The following AQP2 variants were observed in gnomAD, a reference collection of about 807,000 sequenced individuals.
AQP2 encodes aquaporin 2, also known as aquaporin-2.
In AQP2, 20 loss-of-function variants were observed where a neutral mutation model predicts 21.6. The ratio of observed to expected loss-of-function variants is 0.92; its 90% confidence interval spans 0.65 to 1.34. The LOEUF (loss-of-function observed/expected upper bound fraction) is 1.34. AQP2 is among the 40% of genes most tolerant of loss of function. The pLI is 0.00. For synonymous variants in AQP2, 168 were observed against 166.9 expected, an observed-to-expected ratio of 1.01 and a Z score of -0.05; for missense variants, 325 against 363.4, an observed-to-expected ratio of 0.89 and a Z score of 0.86.
In AQP2 at chr12:49,958,393, T is replaced by C. The variant is rs1341214739; in HGVS notation, c.*2785T>C. The C allele has an allele frequency of 6.6e-6, 1 of 152,244 alleles. No individual in the cohort carries two copies. Among genetic ancestry groups the C allele is most frequent in the African/African-American group, 2.4e-5 (1 of 41,464 alleles). 9.4% of individuals were successfully genotyped at this position (152,244 alleles called of 1,614,324 possible). The stretch of plus-strand genomic sequence containing the variant: ...TCCACTGAGACAAATCCTAGGCTCC[T>C]GGGAGGCCCTGGCAGAAGCCAGAAC... On this transcript the variant is annotated 3_prime_UTR_variant, in exon 4 of 4. Coordinates refer to ENST00000199280, the MANE Select transcript of AQP2 (RefSeq NM_000486.6).
rs1947324005 is a variant in AQP2, at chr12:49,950,936, C to T, written c.106C>T (p.Gln36Ter). 3 of 1,614,130 alleles carry T rather than the reference C, an allele frequency of 1.9e-6. No homozygotes were observed. Among genetic ancestry groups the T allele is most frequent in the Admixed American group, 1.7e-5 (1 of 60,014 alleles). ...CCTCGGCTCTGCCCTCAACTGGCCA[C>T]AGGCCCTGCCCTCTGTGCTACAGAT... ...FGLGSALNWP[Q>*]ALPSVLQIAM... The change falls in exon 1 of 4, where the codon CAG becomes TAG. Residue 36 changes from glutamine (Q) to a stop codon, truncating the protein, a stop_gained. Transcript: ENST00000199280. LOFTEE classifies it high-confidence loss of function.
chr12:49,953,295 A>G (rs908951822), intron 1 of AQP2, among the ~76,000 whole-genome samples: 3 of 152,202 alleles, frequency 2.0e-5, no homozygotes, highest in African/African-American at 7.2e-5. Context: ...GGGAGCTGAG[A>G]GCTGTCACTG....
intron 1 of AQP2, 111 bp from the exon 2 acceptor site, chr12:49,954,044 G>C: frequency 6.8e-7 from 1 of 1,467,162 alleles, no homozygotes. Context: ...CAGGTGTTCC[G>C]GCTCCCAGCC....
rs201812544 is a variant in AQP2 at position 49,954,683 on chromosome 12, C to T, written c.579C>T (p.Val193=). Residue 193 remains valine (V), a synonymous_variant, in exon 3 of 4, where the codon GTC becomes GTT. Coordinates refer to ENST00000199280, the MANE Select transcript of AQP2 (RefSeq NM_000486.6). ...MNPARSLAPA[V]VTGKFDDHWV... is the part of the protein sequence containing the mutation. ...CTGCCCGCTCCCTGGCTCCAGCTGTCGTCACTGGCAAATTTGATGACCACT... is the reference window on the plus strand; with the variant it reads ...CTGCCCGCTCCCTGGCTCCAGCTGTTGTCACTGGCAAATTTGATGACCACT... 2.2e-4 allele frequency: 348 copies of T among 1,614,206 alleles called. No individual in the cohort carries two copies. Among genetic ancestry groups the T allele is most frequent in the Admixed American group, 3.0e-4 (18 of 60,020 alleles).
intron 2 of AQP2, 113 bp downstream of exon 2, chr12:49,954,432 C>T: frequency 7.6e-7 from 1 of 1,312,330 alleles, no homozygotes; most frequent in African/African-American, 1.5e-5. Context: ...TCAAGAGGAA[C>T]AGACACCCCA....
chr12:49,951,197 A>G lies in AQP2; in HGVS notation c.360+7A>G. 2 of 1,602,048 alleles carry G rather than the reference A, an allele frequency of 1.2e-6. No homozygotes were observed. The highest frequency in any genetic ancestry group is 1.7e-6 in the Non-Finnish European group (2 of 1,174,196). ...GGACCTGGCTGTCAATGCTGTGAGTAGCCACAACTTTGCCATCCACAAGGG... is the reference window on the plus strand; with the variant it reads ...GGACCTGGCTGTCAATGCTGTGAGTGGCCACAACTTTGCCATCCACAAGGG... On this transcript the variant is annotated splice_region_variant and intron_variant, in intron 1 of 3. Coordinates refer to ENST00000199280, the MANE Select transcript of AQP2 (RefSeq NM_000486.6).
At chr12:49,953,221 C>T (rs1323494573) in intron 1 of AQP2, among the ~76,000 whole-genome samples, 1 of 152,092 alleles carries the variant, frequency 6.6e-6, no homozygotes, top group East Asian at 1.9e-4. Flanking sequence ...CTAGAGAGAC[C>T]CAAGGGTTCT....
At chr12:49,955,360 C>T (rs403201) in intron 3 of AQP2, 39 bp from the exon 4 acceptor site, 3 of 1,599,094 alleles carry the variant, frequency 1.9e-6, no homozygotes, top group Non-Finnish European at 1.7e-6. Flanking sequence ...GTGCCGGTGC[C>T]GGCGCGGGTG....
Position 49,956,572 on chromosome 12 carries a change from G to C in AQP2, c.*964G>C, listed in dbSNP as rs1378348405. 6.6e-6 allele frequency: 1 copy of C among 152,142 alleles called. No homozygotes were observed. Among genetic ancestry groups the C allele is most frequent in the Non-Finnish European group, 1.5e-5 (1 of 68,036 alleles). 9.4% of individuals were successfully genotyped at this position (152,142 alleles called of 1,614,324 possible). A position where few individuals can be genotyped will look rare whatever the true frequency, so the allele number is the denominator to read the frequency against. On this transcript the variant is annotated 3_prime_UTR_variant, in exon 4 of 4. Transcript: ENST00000199280. ...CCAGAGATTAGCCTCCCACTTCGGC[G>C]CAGAAAACAAAAGCCCTTTGTGGGA... is the stretch of plus-strand genomic sequence containing the variant.
intron 1 of AQP2, 135 bp from the exon 2 acceptor site, chr12:49,954,020 G>T: frequency 8.1e-7 from 1 of 1,240,118 alleles, no homozygotes; most frequent in South Asian, 1.2e-5. Context: ...TGCAGCTAAG[G>T]CGTCTGGCAA....
rs138612169 is a variant in AQP2 at position 49,954,756 on chromosome 12, T to C, written c.606+46T>C. 4.1e-5 allele frequency: 64 copies of C among 1,576,694 alleles called. No homozygotes were observed. In the African/African-American group the frequency reaches 8.0e-4, roughly 20 times the overall value. ...CCCTCCCCTTCTCTAGAAACCCATT[T>C]TAGAGGGAGAACAAGAGCTGGAATA... On this transcript the variant is annotated intron_variant, in intron 3 of 3. Transcript: ENST00000199280.
rs931472982 is a variant in AQP2, at chr12:49,957,957, C to T, written c.*2349C>T. The T allele has an allele frequency of 2.6e-5, 4 of 152,194 alleles. No homozygotes were observed. Among genetic ancestry groups the T allele is most frequent in the Admixed American group, 6.5e-5 (1 of 15,280 alleles). The allele number at this position is 152,194 out of a possible 1,614,324, so 9.4% of individuals were successfully genotyped here. A position where few individuals can be genotyped will look rare whatever the true frequency, so the allele number is the denominator to read the frequency against. The stretch of plus-strand genomic sequence containing the variant: ...TCCCCAAAAACTAAATGTGAAATCC[C>T]TACCATTTCTAGCCTCTATTGCCCA... On this transcript the variant is annotated 3_prime_UTR_variant, in exon 4 of 4. Transcript: ENST00000199280.
intron 1 of AQP2, among the ~76,000 whole-genome samples, chr12:49,953,092 C>T (rs1947341061): frequency 6.6e-6 from 1 of 152,212 alleles, no homozygotes; most frequent in African/African-American, 2.4e-5. Context: ...GAAACTGAGG[C>T]CAAATTAAGT....
chr12:49,954,525 A>C, intron 2 of AQP2, 105 bp from the exon 3 acceptor site: 1 of 1,389,508 alleles, frequency 7.2e-7, no homozygotes. Context: ...ATTGTCCATC[A>C]CGTGGGTTCC....
At position 49,955,677 on chromosome 12, in the gene AQP2, C is replaced by G; in HGVS notation, c.*69C>G. The G allele has an allele frequency of 6.7e-7, 1 of 1,503,592 alleles. No homozygotes were observed. Among genetic ancestry groups the G allele is most frequent in the Non-Finnish European group, 8.9e-7 (1 of 1,119,808 alleles). The allele number at this position is 1,503,592 out of a possible 1,614,324, so 93.1% of individuals were successfully genotyped here. ...CCCGAGGCAGAAGGGCCCACCCCGT[C>G]CCTCCTCTCCCGCAGGTCTGAAGTT... On this transcript the variant is annotated 3_prime_UTR_variant, in exon 4 of 4. Transcript: ENST00000199280.
chr12:49,955,921 T>C lies in AQP2; in HGVS notation c.*313T>C, dbSNP rs1947366861. 22 of 558,222 alleles carry C rather than the reference T, an allele frequency of 3.9e-5. 1 individual carries two copies. In the South Asian group the frequency reaches 4.3e-4, roughly 11 times the overall value. The allele number at this position is 558,222 out of a possible 1,614,324, so 34.6% of individuals were successfully genotyped here. A position where few individuals can be genotyped will look rare whatever the true frequency, so the allele number is the denominator to read the frequency against. The stretch of plus-strand genomic sequence containing the variant: ...GGCAGGTGGGTGGTAAGAGGGAAAC[T>C]CTGGAGAGCCTGCACCCAGGTACTG... On this transcript the variant is annotated 3_prime_UTR_variant, in exon 4 of 4. Transcript: ENST00000199280.
intron 1 of AQP2, among the ~76,000 whole-genome samples, chr12:49,953,735 C>T (rs1412895092): frequency 1.3e-5 from 2 of 152,222 alleles, no homozygotes; most frequent in Non-Finnish European, 2.9e-5. Flanking sequence ...TCTCATTGCA[C>T]CAAGGTCTGA....
At chr12:49,955,254 T>G in intron 3 of AQP2, 145 bp from the exon 4 acceptor site, 1 of 908,246 alleles carries the variant, frequency 1.1e-6, no homozygotes. Flanking sequence ...CAGCTGGCGT[T>G]GTCGTTGTAA....
In AQP2 at chr12:49,955,467, G is replaced by T. The variant is rs139738521; in HGVS notation, c.675G>T (p.Pro225=). The change falls in exon 4 of 4, where the codon CCG becomes CCT. Residue 225 remains proline, a synonymous_variant. Transcript: ENST00000199280. ...TCCTCTACAACTACGTGCTGTTTCC[G>T]CCAGCCAAGAGCCTGTCGGAGCGCC... ...GSLLYNYVLF[P]PAKSLSERLA... 2 of 1,612,730 alleles carry T rather than the reference G, an allele frequency of 1.2e-6. No individual in the cohort carries two copies. Among genetic ancestry groups the T allele is most frequent in the South Asian group, 1.1e-5 (1 of 91,070 alleles).
Sources: gnomAD v4.1 joint callset for allele counts (sites outside exome capture counted in the v4.1 genomes callset) on GRCh38, gnomAD v4.1.1 for gene constraint, MANE v1.5 for transcripts, NCBI Gene and HGNC (gene_info 2026-07-23, HGNC 2026-07-21) for gene names.